The following PUS10 variants were observed in gnomAD, a reference collection of about 807,000 sequenced individuals.
PUS10 encodes the protein pseudouridine synthase 10.
A neutral mutation model predicts 75.0 loss-of-function variants in PUS10; 59 were observed. The observed-to-expected ratio is 0.79, with a 90% confidence interval of 0.64 to 0.98. The LOEUF is 0.98. PUS10 is among the 50% of genes least tolerant of loss of function. The probability of loss-of-function intolerance (pLI) is 0.00; values close to 1 mark genes in which losing one functional copy is unlikely to be tolerated. For missense variants in PUS10, 650 were observed against 614.4 expected (o/e 1.06, Z -0.61); for synonymous variants, 219 against 211.6 (o/e 1.03, Z -0.30).
Position 61,018,197 on chromosome 2 carries a change from C to G in PUS10, c.-205G>C, listed in dbSNP as rs1308872990. Reference sequence around the variant, plus strand: ...CTATCTTTAAAGCGTAGACTTTGGTCTGTAGCAGTTGAGAGCGGCATTTGT... The same window carrying G: ...CTATCTTTAAAGCGTAGACTTTGGTGTGTAGCAGTTGAGAGCGGCATTTGT... On this transcript the variant is annotated 5_prime_UTR_variant, in exon 1 of 18. Coordinates refer to ENST00000316752, the MANE Select transcript of PUS10 (RefSeq NM_144709.4). 3 of 1,550,962 alleles carry G rather than the reference C, an allele frequency of 1.9e-6. No individual in the cohort carries two copies. In the Admixed American group the frequency reaches 5.9e-5, roughly 30 times the overall value.
chr2:60,975,025 G>A (rs560539090), intron 4 of PUS10, among the ~76,000 whole-genome samples: 1 of 152,362 alleles, frequency 6.6e-6, no homozygotes, highest in South Asian at 2.1e-4. Flanking sequence ...CTTCTGATGT[G>A]TTAGTTTACT....
At chr2:60,943,999 C>T (rs997836538) in intron 17 of PUS10, among the ~76,000 whole-genome samples, 35 of 152,006 alleles carry the variant, frequency 2.3e-4, no homozygotes, top group African/African-American at 7.3e-4. Flanking sequence ...CATAGTGGCT[C>T]ATGCCTGTGG....
chr2:60,955,264 T>C (rs1051855915), intron 11 of PUS10, among the ~76,000 whole-genome samples, 190 bp from the exon 12 acceptor site: 1 of 152,154 alleles, frequency 6.6e-6, no homozygotes, highest in African/African-American at 2.4e-5. Flanking sequence ...ACACCATTTA[T>C]TGAGAACTTA....
At chr2:60,999,684 C>T (rs1009880989) in intron 4 of PUS10, among the ~76,000 whole-genome samples, 1 of 152,098 alleles carries the variant, frequency 6.6e-6, no homozygotes, top group Admixed American at 6.6e-5. Flanking sequence ...GTTGAAAAGG[C>T]TTAAGATCTC....
intron 4 of PUS10, among the ~76,000 whole-genome samples, chr2:61,000,061 C>T (rs1401931922): frequency 6.6e-6 from 1 of 151,820 alleles, no homozygotes; most frequent in Non-Finnish European, 1.5e-5. Context: ...AGAACCAACC[C>T]CCCACAGATA....
At chr2:60,996,325 CAT>C (rs1199002596) in intron 4 of PUS10, among the ~76,000 whole-genome samples, 2 of 152,210 alleles carry the variant, frequency 1.3e-5, no homozygotes, top group African/African-American at 4.8e-5. Context: ...TGACTAATCA[CAT>C]GTCACTCACT....
chr2:60,980,840 T>G (rs1038288308), intron 4 of PUS10, among the ~76,000 whole-genome samples: 1 of 152,208 alleles, frequency 6.6e-6, no homozygotes, highest in African/African-American at 2.4e-5. Flanking sequence ...TCAAAAAAAT[T>G]AAATTGTTAT....
chr2:60,998,350 T>TA (rs1678616172), intron 4 of PUS10, among the ~76,000 whole-genome samples: 1 of 152,136 alleles, frequency 6.6e-6, no homozygotes, highest in Non-Finnish European at 1.5e-5. Flanking sequence ...TCCACAGATT[T>TA]AAGTAAAAAT....
At chr2:60,971,865 C>CTTTTTTT (rs756222357) in intron 4 of PUS10, among the ~76,000 whole-genome samples, 9 of 99,636 alleles carry the variant, frequency 9.0e-5, no homozygotes, top group Admixed American at 2.1e-4. Flanking sequence ...TCTTTCTTCT[C>CTTTTTTT]TTTTTTTTTT....
intron 8 of PUS10, among the ~76,000 whole-genome samples, chr2:60,964,196 G>A (rs1312503719): frequency 6.6e-6 from 1 of 152,124 alleles, no homozygotes; most frequent in Non-Finnish European, 1.5e-5. Context: ...TGCTGCTTTC[G>A]GCTTGGTCTG....
Position 60,962,887 on chromosome 2 carries a change from C to T in PUS10, c.727G>A (p.Val243Ile). Reference sequence around the variant, plus strand: ...TTCATAACTGCCATTCTAGTGAATACAGACTATATAGGGTAAAATGAGAAG... The same window carrying T: ...TTCATAACTGCCATTCTAGTGAATATAGACTATATAGGGTAAAATGAGAAG... The part of the protein sequence containing the change: ...CFKPAKNKQS[V>I]FTRMAVMKAL... The change falls in exon 9 of 18, where the codon GTA becomes ATA. Residue 243 changes from valine (V) to isoleucine (I), a missense_variant. Physicochemically the swap from Val to Ile is conservative, Grantham distance 29. Coordinates refer to ENST00000316752, the MANE Select transcript of PUS10 (RefSeq NM_144709.4). 1.3e-6 allele frequency: 2 copies of T among 1,564,998 alleles called. No homozygotes were observed. The highest frequency in any genetic ancestry group is 2.4e-5 in the East Asian group (1 of 41,634).
rs530820845 is a variant in PUS10 at position 60,999,525 on chromosome 2, G to A, written c.468+7032C>T. On this transcript the variant is annotated intron_variant, in intron 4 of 17. Transcript: ENST00000316752. ...TCCCAGTTACTCAGGAAGGTGAGGCGGGAGGATTACTTGAGCCTAAGAGGT... is the reference window on the plus strand; with the variant it reads ...TCCCAGTTACTCAGGAAGGTGAGGCAGGAGGATTACTTGAGCCTAAGAGGT... Among the ~76,000 whole-genome samples the A allele has an allele frequency of 1.1e-4, 16 of 152,198 alleles. No individual in the cohort carries two copies. The East Asian group carries it at 2.7e-3, about 26-fold the overall frequency.
intron 2 of PUS10, chr2:61,010,939 G>A: frequency 6.5e-7 from 1 of 1,530,746 alleles, no homozygotes; most frequent in Non-Finnish European, 8.8e-7. Flanking sequence ...GTTATTATGA[G>A]AATTATATAA....
intron 11 of PUS10, among the ~76,000 whole-genome samples, chr2:60,959,497 T>C (rs753452583): frequency 6.6e-6 from 1 of 152,198 alleles, no homozygotes; most frequent in Non-Finnish European, 1.5e-5. Flanking sequence ...TTCAAGCGAT[T>C]CGTGCCTCAG....
At chr2:60,960,343 CAAAAAAAAAA>C in intron 11 of PUS10, 39 bp downstream of exon 11, 1 of 1,138,640 alleles carries the variant, frequency 8.8e-7, no homozygotes, top group Non-Finnish European at 1.1e-6. Flanking sequence ...GCCCCTATCT[CAAAAAAAAAA>C]AAAAAAAGAA....
chr2:60,940,943 G>C lies in PUS10; in HGVS notation c.*1452C>G, dbSNP rs967382527. ...GGTATGAAACTATGTTGGTTCCAAC[G>C]TGGCTGACTCCTTTGTGTCCATTAA... On this transcript the variant is annotated 3_prime_UTR_variant, in exon 18 of 18. Transcript: ENST00000316752. The C allele has an allele frequency of 6.6e-6, 1 of 152,226 alleles. No individual in the cohort carries two copies. Among genetic ancestry groups the C allele is most frequent in the Non-Finnish European group, 1.5e-5 (1 of 67,994 alleles). 9.4% of individuals were successfully genotyped at this position (152,226 alleles called of 1,614,324 possible).
chr2:60,968,148 T>C (rs1394323538), intron 5 of PUS10, among the ~76,000 whole-genome samples: 1 of 152,144 alleles, frequency 6.6e-6, no homozygotes, highest in Non-Finnish European at 1.5e-5. Context: ...TGCTCATCAA[T>C]GTATTATCAG....
intron 4 of PUS10, among the ~76,000 whole-genome samples, chr2:60,986,442 T>C (rs1228877008): frequency 6.6e-6 from 1 of 152,222 alleles, no homozygotes; most frequent in Non-Finnish European, 1.5e-5. Context: ...TTAGAGGTAT[T>C]ATGATATAGA....
At chr2:61,002,631 G>T (rs532087288) in intron 4 of PUS10, among the ~76,000 whole-genome samples, 2 of 152,240 alleles carry the variant, frequency 1.3e-5, no homozygotes, top group East Asian at 3.9e-4. Flanking sequence ...AAATCTCAGT[G>T]CAGGTACATA....
Sources: gnomAD v4.1 joint callset for allele counts (sites outside exome capture counted in the v4.1 genomes callset) on GRCh38, gnomAD v4.1.1 for gene constraint, MANE v1.5 for transcripts, NCBI Gene and HGNC (gene_info 2026-07-23, HGNC 2026-07-21) for gene names.